TMEM74: variants seen among roughly 807,000 people sequenced by gnomAD.
TMEM74 encodes transmembrane protein 74.
Under a neutral mutation model 18.1 loss-of-function variants are expected in TMEM74, and 13 were observed. The observed-to-expected ratio is 0.72, with a 90% confidence interval of 0.47 to 1.14. The LOEUF is 1.14. Ranked by LOEUF, TMEM74 falls within the 50% of genes most tolerant of loss-of-function variation. The pLI is 0.00. For missense variants in TMEM74, 372 were observed against 375.9 expected, an observed-to-expected ratio of 0.99 and a Z score of 0.09; for synonymous variants, 159 against 146.6, an observed-to-expected ratio of 1.08 and a Z score of -0.61.
In TMEM74 at chr8:108,718,112, C is replaced by T. The variant is rs1237425566; in HGVS notation, n.120-62675G>A. Among the ~76,000 whole-genome samples, 2 of 110,482 alleles carry T rather than the reference C, an allele frequency of 1.8e-5. 1 individual carries two copies. The highest frequency in any genetic ancestry group is 7.4e-4 in the East Asian group (2 of 2,714). The allele number at this position is 110,482 out of a possible 152,430, so 72.5% of individuals were successfully genotyped here. ...TAGCTGGGACTACAGGCGCCCGCCACTACGCCCGGCTAATTTTTTGTATTT... is the reference window on the plus strand; with the variant it reads ...TAGCTGGGACTACAGGCGCCCGCCATTACGCCCGGCTAATTTTTTGTATTT... On this transcript the variant is annotated intron_variant and non_coding_transcript_variant, in intron 1 of 3. Transcript: ENST00000518838.
At chr8:108,659,530 G>A (rs1293193714) in intron 1 of TMEM74, among the ~76,000 whole-genome samples, 2 of 152,042 alleles carry the variant, frequency 1.3e-5, no homozygotes, top group African/African-American at 4.8e-5. Context: ...AGCTTGCCTA[G>A]CTTCCCATTG....
intron 2 of TMEM74, among the ~76,000 whole-genome samples, chr8:108,645,260 C>T (rs1812706998): frequency 6.6e-6 from 1 of 152,022 alleles, no homozygotes; most frequent in Non-Finnish European, 1.5e-5. Flanking sequence ...AACAGAAAAC[C>T]AAATACTAAA....
intron 1 of TMEM74, among the ~76,000 whole-genome samples, chr8:108,700,927 A>T (rs2130615200): frequency 6.6e-6 from 1 of 151,842 alleles, no homozygotes; most frequent in South Asian, 2.1e-4. Flanking sequence ...TGGAACAAGG[A>T]TTATTATTCT....
chr8:108,678,306 T>C (rs1365397047), intron 1 of TMEM74, among the ~76,000 whole-genome samples: 1 of 152,204 alleles, frequency 6.6e-6, no homozygotes, highest in Non-Finnish European at 1.5e-5. Flanking sequence ...AGTTTTGTAT[T>C]AGAATATCTT....
At position 108,756,647 on chromosome 8, in the gene TMEM74, A is replaced by G. The variant is rs1227154273; in HGVS notation, n.119+30829T>C. 7.2e-3 allele frequency among the ~76,000 whole-genome samples: 438 copies of G among 61,148 alleles called. 6 individuals carry two copies. The highest frequency in any genetic ancestry group is 0.014 in the African/African-American group (183 of 13,210). The allele number at this position is 61,148 out of a possible 152,430, so 40.1% of individuals were successfully genotyped here. On this transcript the variant is annotated intron_variant and non_coding_transcript_variant, in intron 1 of 3. Transcript: ENST00000518838. The stretch of plus-strand genomic sequence containing the variant: ...GGAAGGAAGGAAGGAAGGAAGAAAG[A>G]AAGAGAAAGAAAGAAAGAAAGAAAG...
At chr8:108,758,789 A>G (rs1814007250) in intron 1 of TMEM74, among the ~76,000 whole-genome samples, 1 of 152,098 alleles carries the variant, frequency 6.6e-6, no homozygotes, top group Non-Finnish European at 1.5e-5. Flanking sequence ...ATAAATTCCC[A>G]TCAATGGGAT....
intron 1 of TMEM74, among the ~76,000 whole-genome samples, chr8:108,739,258 A>G (rs1193596429): frequency 6.6e-6 from 1 of 152,218 alleles, no homozygotes; most frequent in Non-Finnish European, 1.5e-5. Flanking sequence ...AGATACTGAA[A>G]GTAACACAAG....
chr8:108,681,440 G>A (rs1343308778), intron 1 of TMEM74, among the ~76,000 whole-genome samples: 3 of 152,170 alleles, frequency 2.0e-5, no homozygotes, highest in African/African-American at 7.2e-5. Context: ...TTAATAAATG[G>A]TGCTGGGAAA....
intron 1 of TMEM74, among the ~76,000 whole-genome samples, chr8:108,751,903 G>A (rs1357819987): frequency 6.6e-6 from 1 of 152,088 alleles, no homozygotes; most frequent in Non-Finnish European, 1.5e-5. Context: ...GGACAATGTT[G>A]CTAAGGAAGA....
In TMEM74 at chr8:108,693,561, A is replaced by G. The variant is rs557898250; in HGVS notation, n.120-38124T>C. Among the ~76,000 whole-genome samples, 7 of 152,352 alleles carry G rather than the reference A, an allele frequency of 4.6e-5. 1 individual carries two copies. Among genetic ancestry groups the G allele is most frequent in the African/African-American group, 1.4e-4 (6 of 41,576 alleles). ...GTCAGCTAATACATTCCTTGTATACAAAAGATTGAGCATAGAAATTCTACT... is the reference window on the plus strand; with the variant it reads ...GTCAGCTAATACATTCCTTGTATACGAAAGATTGAGCATAGAAATTCTACT... On this transcript the variant is annotated intron_variant and non_coding_transcript_variant, in intron 1 of 3. Coordinates refer to the TMEM74 transcript ENST00000518838.
At chr8:108,685,967 A>G (rs1813163477) in intron 1 of TMEM74, among the ~76,000 whole-genome samples, 1 of 152,138 alleles carries the variant, frequency 6.6e-6, no homozygotes. Flanking sequence ...TGTACATATA[A>G]TAAAGCCTGA....
At chr8:108,670,253 T>A (rs1489998726) in intron 1 of TMEM74, among the ~76,000 whole-genome samples, 1 of 152,198 alleles carries the variant, frequency 6.6e-6, no homozygotes, top group African/African-American at 2.4e-5. Flanking sequence ...AGTTCCCCTA[T>A]GAACAAATAG....
chr8:108,642,618 T>A (rs3019401), intron 2 of TMEM74, among the ~76,000 whole-genome samples: 2 of 152,092 alleles, frequency 1.3e-5, no homozygotes, highest in East Asian at 1.9e-4. Flanking sequence ...AATTAACTAC[T>A]GAGATGAATA....
chr8:108,689,660 C>A (rs1380483672), intron 1 of TMEM74, among the ~76,000 whole-genome samples: 2 of 152,156 alleles, frequency 1.3e-5, no homozygotes, highest in Non-Finnish European at 2.9e-5. Context: ...ATGATGTTGG[C>A]TTTGGATTCC....
Position 108,756,594 on chromosome 8 carries a change from A to AAGAG in TMEM74, n.119+30878_119+30881dup, listed in dbSNP as rs759458988. Among the ~76,000 whole-genome samples, 6 of 83,870 alleles carry AAGAG rather than the reference A, an allele frequency of 7.2e-5. No homozygotes were observed. In the East Asian group the frequency reaches 1.4e-3, roughly 19 times the overall value. The allele number at this position is 83,870 out of a possible 152,430, so 55.0% of individuals were successfully genotyped here. A position where few individuals can be genotyped will look rare whatever the true frequency, so the allele number is the denominator to read the frequency against. Reference sequence around the variant, plus strand: ...AAAGAAAGAAAGAAAGAAAGAAAGAAAGAGAAAGGAAGGAAGGAAGGAAGG... The same window carrying AAGAG: ...AAAGAAAGAAAGAAAGAAAGAAAGAAAGAGAGAGAAAGGAAGGAAGGAAGGAAGG... On this transcript the variant is annotated intron_variant and non_coding_transcript_variant, in intron 1 of 3. Transcript: ENST00000518838.
chr8:108,610,311 G>A (rs1249129328), intron 2 of TMEM74, among the ~76,000 whole-genome samples: 1 of 152,106 alleles, frequency 6.6e-6, no homozygotes, highest in African/African-American at 2.4e-5. Flanking sequence ...TTGTGTAAAT[G>A]CTCTTTTTAA....
intron 1 of TMEM74, among the ~76,000 whole-genome samples, chr8:108,730,098 T>C (rs530951102): frequency 6.6e-6 from 1 of 152,340 alleles, no homozygotes; most frequent in East Asian, 1.9e-4. Flanking sequence ...CATTGCCTTT[T>C]GACTAAAAAG....
intron 1 of TMEM74, among the ~76,000 whole-genome samples, chr8:108,664,711 G>A (rs796671409): frequency 6.6e-6 from 1 of 151,964 alleles, no homozygotes; most frequent in South Asian, 2.1e-4. Flanking sequence ...AGATTCAGTG[G>A]CCTACAGGTA....
intron 2 of TMEM74, among the ~76,000 whole-genome samples, chr8:108,610,004 T>C (rs1181772404): frequency 6.6e-6 from 1 of 152,208 alleles, no homozygotes; most frequent in Admixed American, 6.5e-5. Context: ...AAAATATTTC[T>C]GTCAGTGGCT....
Sources: allele counts gnomAD v4.1 joint callset (sites outside exome capture counted in the v4.1 genomes callset), GRCh38; gene constraint gnomAD v4.1.1; transcripts MANE v1.5; gene names NCBI Gene and HGNC (gene_info 2026-07-23, HGNC 2026-07-21).